Variants in TMOD1 observed in about 807,000 individuals in gnomAD.
The protein encoded by TMOD1 is tropomodulin 1.
In TMOD1, 17 loss-of-function variants were observed where a neutral mutation model predicts 40.6. That is an observed-to-expected ratio of 0.42 (90% CI 0.29 to 0.63). TMOD1 has a LOEUF of 0.63. Among genes scored for constraint, TMOD1 ranks in the 20% least tolerant of loss-of-function variants. The pLI, the probability that TMOD1 is intolerant of heterozygous loss-of-function variation, is 0.22. For synonymous variants in TMOD1, 181 were observed against 175.0 expected (o/e 1.03, Z -0.27); for missense variants, 391 against 447.6 (o/e 0.87, Z 1.14).
chr9:97,518,906 A>G (rs1829871550), intron 1 of TMOD1, among the ~76,000 whole-genome samples: 1 of 152,206 alleles, frequency 6.6e-6, no homozygotes, highest in African/African-American at 2.4e-5. Flanking sequence ...ACAAATCCAC[A>G]AATATCTGGG....
rs535091350 is a variant in TMOD1, at chr9:97,601,097, G to T, written c.*1399G>T. ...CTGGAGGCGGGGCCAGGGCCTCAGC[G>T]CTATGGAAGAGTGTCCACTGAGGCT... On this transcript the variant is annotated 3_prime_UTR_variant, in exon 10 of 10. Transcript: ENST00000259365. The T allele has an allele frequency of 7.7e-7, 1 of 1,304,272 alleles. No individual in the cohort carries two copies. Among genetic ancestry groups the T allele is most frequent in the East Asian group, 5.5e-5 (1 of 18,032 alleles). The allele number at this position is 1,304,272 out of a possible 1,614,324, so 80.8% of individuals were successfully genotyped here.
In TMOD1 at chr9:97,601,054, G is replaced by T; in HGVS notation, c.*1356G>T. On this transcript the variant is annotated 3_prime_UTR_variant, in exon 10 of 10. Coordinates refer to ENST00000259365, the MANE Select transcript of TMOD1 (RefSeq NM_003275.4). Reference sequence around the variant, plus strand: ...GGCCTGCGCACTGAACTGTAAGGCAGTGGGCAGTACAGGGTAACTGGAGGC... The same window carrying T: ...GGCCTGCGCACTGAACTGTAAGGCATTGGGCAGTACAGGGTAACTGGAGGC... 1 of 1,304,060 alleles carries T rather than the reference G, an allele frequency of 7.7e-7. No individual in the cohort carries two copies. Among genetic ancestry groups the T allele is most frequent in the Non-Finnish European group, 1.0e-6 (1 of 988,836 alleles). The allele number at this position is 1,304,060 out of a possible 1,614,324, so 80.8% of individuals were successfully genotyped here.
At chr9:97,582,791 GCTCT>G (rs1259444296) in intron 8 of TMOD1, among the ~76,000 whole-genome samples, 4 of 132,260 alleles carry the variant, frequency 3.0e-5, no homozygotes, top group Non-Finnish European at 4.8e-5. Context: ...TCATGATTTG[GCTCT>G]CTGTTTGTCT....
chr9:97,524,057 C>A (rs1829958414), intron 1 of TMOD1, 84 bp from the exon 2 acceptor site: 2 of 987,890 alleles, frequency 2.0e-6, no homozygotes, highest in Non-Finnish European at 3.0e-6. Flanking sequence ...TGTACCCAGG[C>A]CGCTGTGTGA....
intron 8 of TMOD1, among the ~76,000 whole-genome samples, chr9:97,576,861 G>T (rs918792304): frequency 9.9e-5 from 15 of 151,744 alleles, no homozygotes; most frequent in Non-Finnish European, 1.5e-4. Flanking sequence ...GGATGGTCTC[G>T]ATCTCCTGAC....
chr9:97,601,167 C>G lies in TMOD1; in HGVS notation c.*1469C>G. 1 of 1,300,580 alleles carries G rather than the reference C, an allele frequency of 7.7e-7. No homozygotes were observed. Among genetic ancestry groups the G allele is most frequent in the African/African-American group, 1.5e-5 (1 of 65,798 alleles). The allele number at this position is 1,300,580 out of a possible 1,614,324, so 80.6% of individuals were successfully genotyped here. ...CACCATGTTGCAGGGACAACCATCCCCATTTGGCTTCTCCTTAAAACACAA... is the reference window on the plus strand; with the variant it reads ...CACCATGTTGCAGGGACAACCATCCGCATTTGGCTTCTCCTTAAAACACAA... On this transcript the variant is annotated 3_prime_UTR_variant, in exon 10 of 10. Coordinates refer to ENST00000259365, the MANE Select transcript of TMOD1 (RefSeq NM_003275.4).
At chr9:97,540,061 G>C (rs1830254407) in intron 2 of TMOD1, among the ~76,000 whole-genome samples, 1 of 151,492 alleles carries the variant, frequency 6.6e-6, no homozygotes. Flanking sequence ...TATTCACAGA[G>C]TCGTATAACC....
chr9:97,520,503 C>T (rs1487316766), intron 1 of TMOD1, among the ~76,000 whole-genome samples: 2 of 152,174 alleles, frequency 1.3e-5, no homozygotes, highest in Non-Finnish European at 2.9e-5. Flanking sequence ...AATACTGCTT[C>T]GTAGCAACCG....
rs182547501 is a variant in TMOD1 at position 97,525,863 on chromosome 9, A to T, written c.120+1555A>T. ...ATGGAATTGTTGTGTCTCCTAGTGG[A>T]ACTTTGGTCCTTTGAAACTAAGACT... is the stretch of plus-strand genomic sequence containing the variant. On this transcript the variant is annotated intron_variant, in intron 2 of 9. Coordinates refer to ENST00000259365, the MANE Select transcript of TMOD1 (RefSeq NM_003275.4). 2.6e-5 allele frequency among the ~76,000 whole-genome samples: 4 copies of T among 152,274 alleles called. No individual in the cohort carries two copies. In the East Asian group the frequency reaches 7.7e-4, roughly 29 times the overall value.
In TMOD1 at chr9:97,524,187, C is replaced by T. The variant is rs755396861; in HGVS notation, c.-2C>T. 1.2e-5 allele frequency: 20 copies of T among 1,612,968 alleles called. No homozygotes were observed. Among genetic ancestry groups the T allele is most frequent in the Middle Eastern group, 3.3e-4 (2 of 6,076 alleles). ...CAGGAGACACAGACAAGTTCTTCCA[C>T]GATGTCGTACAGACGAGAACTAGAG... On this transcript the variant is annotated 5_prime_UTR_variant, in exon 2 of 10. In the 5' UTR this introduces an upstream ATG that the reference lacks. Transcript: ENST00000259365.
chr9:97,577,556 G>A (rs2131278466), intron 8 of TMOD1, among the ~76,000 whole-genome samples: 1 of 152,310 alleles, frequency 6.6e-6, no homozygotes, highest in East Asian at 1.9e-4. Flanking sequence ...GGGAGGCTGA[G>A]GTGGGTGGAT....
intron 8 of TMOD1, among the ~76,000 whole-genome samples, chr9:97,579,682 A>C (rs985366684): frequency 6.6e-6 from 1 of 152,232 alleles, no homozygotes; most frequent in East Asian, 1.9e-4. Context: ...ATAGAGCAAC[A>C]TGTGGCTAGT....
At chr9:97,594,074 C>T (rs540170674) in intron 9 of TMOD1, among the ~76,000 whole-genome samples, 6 of 152,032 alleles carry the variant, frequency 3.9e-5, no homozygotes, top group African/African-American at 7.2e-5. Flanking sequence ...AGGGGCCTGG[C>T]GATGGAAGCA....
intron 2 of TMOD1, among the ~76,000 whole-genome samples, chr9:97,530,309 A>G (rs1830078222): frequency 6.6e-6 from 1 of 152,224 alleles, no homozygotes; most frequent in Non-Finnish European, 1.5e-5. Flanking sequence ...GGCTCAAAAT[A>G]TTCGCAGGAG....
At position 97,524,206 on chromosome 9, in the gene TMOD1, A is replaced by G. The variant is rs1259039781; in HGVS notation, c.18A>G (p.Glu6=). 1 of 1,614,162 alleles carries G rather than the reference A, an allele frequency of 6.2e-7. No individual in the cohort carries two copies. The highest frequency in any genetic ancestry group is 2.2e-5 in the East Asian group (1 of 44,874). Residue 6 remains glutamate, a synonymous_variant, in exon 2 of 10, where the codon GAA becomes GAG. Transcript: ENST00000259365. MSYRR[E]LEKYRDLDED... ...CTTCCACGATGTCGTACAGACGAGA[A>G]CTAGAGAAATACCGTGACCTGGATG...
At chr9:97,568,735 G>A (rs1236364460) in intron 7 of TMOD1, among the ~76,000 whole-genome samples, 159 bp from the exon 8 acceptor site, 2 of 152,192 alleles carry the variant, frequency 1.3e-5, no homozygotes, top group Non-Finnish European at 2.9e-5. Context: ...GCCATGGCGG[G>A]TTGCAGGAGA....
chr9:97,544,477 A>G (rs555446802), intron 2 of TMOD1, among the ~76,000 whole-genome samples: 5 of 151,106 alleles, frequency 3.3e-5, no homozygotes, highest in Non-Finnish European at 7.4e-5. Context: ...TGGAGGTTGC[A>G]TTGAGCCGAG....
chr9:97,585,737 T>G (rs181500329), intron 8 of TMOD1, among the ~76,000 whole-genome samples: 2 of 123,084 alleles, frequency 1.6e-5, no homozygotes, highest in South Asian at 4.8e-4. Context: ...CTTCCCTTCT[T>G]GCTTCATTTC....
Position 97,521,666 on chromosome 9 carries a change from T to C in TMOD1, c.-48-2475T>C, listed in dbSNP as rs1338186663. ...GGCCATTTATGGTCTGAGCATTGCA[T>C]TCTTGGGGCCTGGTCAAAGAGGACG... On this transcript the variant is annotated intron_variant, in intron 1 of 9. Coordinates refer to ENST00000259365, the MANE Select transcript of TMOD1 (RefSeq NM_003275.4). Among the ~76,000 whole-genome samples, 3 of 152,178 alleles carry C rather than the reference T, an allele frequency of 2.0e-5. 1 individual carries two copies. Among genetic ancestry groups the C allele is most frequent in the African/African-American group, 7.2e-5 (3 of 41,444 alleles).
Sources: allele counts gnomAD v4.1 joint callset (sites outside exome capture counted in the v4.1 genomes callset), GRCh38; gene constraint gnomAD v4.1.1; transcripts MANE v1.5; gene names NCBI Gene and HGNC (gene_info 2026-07-23, HGNC 2026-07-21).